Variants in TRIP11 observed in about 807,000 individuals in gnomAD.
TRIP11 encodes the protein thyroid receptor-interacting protein 11.
TRIP11 carries 148 observed loss-of-function variants against 223.1 expected under a neutral mutation model. The ratio of observed to expected loss-of-function variants is 0.66; its 90% CI spans 0.58 to 0.76. The LOEUF (loss-of-function observed/expected upper bound fraction) is 0.76, where lower values mean the gene tolerates loss of function less well. Ranked by LOEUF, TRIP11 falls within the 30% of genes least tolerant of loss-of-function variation. The pLI is 0.00. For missense variants in TRIP11, 2,043 were observed against 2,222.0 expected (o/e 0.92, Z 1.62); for synonymous variants, 762 against 772.6 (o/e 0.99, Z 0.23).
rs1376089269 is a variant in TRIP11, at chr14:91,988,398, T to A, written c.5161-15A>T. ...TCCAAACATTCCTGAGAAAGAAAACTTTATTAAAAAAAAGTATGCAAAAAT... is the reference window on the plus strand; with the variant it reads ...TCCAAACATTCCTGAGAAAGAAAACATTATTAAAAAAAAGTATGCAAAAAT... On this transcript the variant is annotated splice_polypyrimidine_tract_variant and intron_variant, in intron 15 of 20. Transcript: ENST00000267622. 2 of 1,609,428 alleles carry A rather than the reference T, an allele frequency of 1.2e-6. No homozygotes were observed. Among genetic ancestry groups the A allele is most frequent in the African/African-American group, 1.3e-5 (1 of 74,772 alleles).
At chr14:92,025,964 G>T (rs2057180738) in intron 2 of TRIP11, among the ~76,000 whole-genome samples, 1 of 151,488 alleles carries the variant, frequency 6.6e-6, no homozygotes, top group South Asian at 2.1e-4. Context: ...TTAACATTTT[G>T]CTCAGATTGA....
Position 92,004,072 on chromosome 14 carries a change from T to C in TRIP11, c.3904A>G (p.Lys1302Glu), listed in dbSNP as rs1320400377. ...QHSIGQLCNTKDLLLGKLDII... is the reference protein window; with the variant it reads ...QHSIGQLCNTEDLLLGKLDII... ...TCAAGTTTTCCTAAAAGAAGATCCT[T>C]GGTATTGCAAAGCTGCCCAATGCTG... The change falls in exon 11 of 21, where the codon AAG becomes GAG. Residue 1302 changes from lysine (K) to glutamate (E), a missense_variant. Lys to Glu is a moderately conservative substitution (Grantham distance 56, BLOSUM62 1). Coordinates refer to ENST00000267622, the MANE Select transcript of TRIP11 (RefSeq NM_004239.4). 6.2e-6 allele frequency: 10 copies of C among 1,614,206 alleles called. No individual in the cohort carries two copies. The highest frequency in any genetic ancestry group is 7.6e-6 in the Non-Finnish European group (9 of 1,180,038).
At chr14:91,977,232 C>T (rs1373566855) in intron 16 of TRIP11, 1 of 454,880 alleles carries the variant, frequency 2.2e-6, no homozygotes. Flanking sequence ...GTTGTCATCT[C>T]ACTTTCTTGA....
intron 1 of TRIP11, among the ~76,000 whole-genome samples, chr14:92,036,042 G>A (rs1367152454): frequency 6.6e-6 from 1 of 152,188 alleles, no homozygotes. Context: ...AAACACTCTT[G>A]TTTAGAAAAT....
chr14:91,991,694 C>T (rs1242396490), intron 15 of TRIP11, among the ~76,000 whole-genome samples: 1 of 152,064 alleles, frequency 6.6e-6, no homozygotes, highest in Non-Finnish European at 1.5e-5. Context: ...TATATTAATG[C>T]AATGCATACA....
At chr14:91,982,566 G>A (rs1042954453) in intron 16 of TRIP11, among the ~76,000 whole-genome samples, 1 of 152,158 alleles carries the variant, frequency 6.6e-6, no homozygotes, top group Non-Finnish European at 1.5e-5. Flanking sequence ...GTGTCAAGCA[G>A]TAATAAACCT....
chr14:92,017,866 C>A, intron 4 of TRIP11, 116 bp from the exon 5 acceptor site: 2 of 859,218 alleles, frequency 2.3e-6, no homozygotes, highest in South Asian at 1.5e-5. Context: ...TTCACAGATT[C>A]CGACTAAAGA....
chr14:91,992,968 C>A lies in TRIP11; in HGVS notation c.5160+841G>T, dbSNP rs540035905. Among the ~76,000 whole-genome samples the A allele has an allele frequency of 3.8e-5, 5 of 131,972 alleles. No homozygotes were observed. In the East Asian group the frequency reaches 1.1e-3, roughly 30 times the overall value. 86.6% of individuals were successfully genotyped at this position (131,972 alleles called of 152,430 possible). A position where few individuals can be genotyped will look rare whatever the true frequency, so the allele number is the denominator to read the frequency against. ...CAAGTTTCTCCTAAATCTAAAAGCACGTTGTTTTGGTGTCCTATCTCTTCA... is the reference window on the plus strand; with the variant it reads ...CAAGTTTCTCCTAAATCTAAAAGCAAGTTGTTTTGGTGTCCTATCTCTTCA... On this transcript the variant is annotated intron_variant, in intron 15 of 20. Transcript: ENST00000267622.
chr14:92,023,699 T>G lies in TRIP11; in HGVS notation c.312+1611A>C, dbSNP rs193282655. 7.9e-5 allele frequency among the ~76,000 whole-genome samples: 12 copies of G among 152,340 alleles called. No homozygotes were observed. The East Asian group carries it at 2.3e-3, about 29-fold the overall frequency. On this transcript the variant is annotated intron_variant, in intron 3 of 20. Coordinates refer to ENST00000267622, the MANE Select transcript of TRIP11 (RefSeq NM_004239.4). The stretch of plus-strand genomic sequence containing the variant: ...TAAACCCCTGGGTAGGAGGAACTAC[T>G]GTTCTATCATAATGTTTATAACTCA...
intron 4 of TRIP11, among the ~76,000 whole-genome samples, chr14:92,018,739 A>G (rs115150740): frequency 0.028 from 4,226 of 152,088 alleles, 197 homozygotes; most frequent in African/African-American, 0.095. Flanking sequence ...CCGCTGGATC[A>G]CAAGGGCAAG....
intron 3 of TRIP11, among the ~76,000 whole-genome samples, chr14:92,024,940 T>C (rs2057162933): frequency 6.6e-6 from 1 of 152,226 alleles, no homozygotes; most frequent in Non-Finnish European, 1.5e-5. Flanking sequence ...TAAATTATCA[T>C]ATATTTAATA....
intron 3 of TRIP11, among the ~76,000 whole-genome samples, chr14:92,023,818 C>T (rs903920184): frequency 1.3e-5 from 2 of 151,220 alleles, no homozygotes; most frequent in African/African-American, 2.4e-5. Context: ...AGGTTTAAGA[C>T]TTTTAAAGCA....
At position 91,981,010 on chromosome 14, in the gene TRIP11, A is replaced by ATTTT. The variant is rs1444189118; in HGVS notation, c.5261-4822_5261-4821insAAAA. Among the ~76,000 whole-genome samples the ATTTT allele has an allele frequency of 2.3e-3, 126 of 55,802 alleles. 2 individuals are homozygous for ATTTT. The highest frequency in any genetic ancestry group is 4.7e-3 in the African/African-American group (70 of 14,754). 36.6% of individuals were successfully genotyped at this position (55,802 alleles called of 152,430 possible). On this transcript the variant is annotated intron_variant, in intron 16 of 20. Transcript: ENST00000267622. ...GTATATTATATATATATATATATAT[A>ATTTT]TATTTTTTTTTTTTTTTTTTTTTTT...
chr14:91,994,649 A>G (rs1341068045), intron 14 of TRIP11, among the ~76,000 whole-genome samples: 3 of 152,232 alleles, frequency 2.0e-5, no homozygotes, highest in Non-Finnish European at 4.4e-5. Flanking sequence ...TTACTTCCTC[A>G]TTCTCATATC....
intron 13 of TRIP11, among the ~76,000 whole-genome samples, chr14:91,997,656 A>C (rs2056767997): frequency 6.6e-6 from 1 of 152,004 alleles, no homozygotes; most frequent in Non-Finnish European, 1.5e-5. Flanking sequence ...TGAAAAGAAA[A>C]AGCAGAAGAA....
intron 4 of TRIP11, among the ~76,000 whole-genome samples, chr14:92,019,527 A>G (rs926156738): frequency 6.6e-6 from 1 of 152,234 alleles, no homozygotes; most frequent in African/African-American, 2.4e-5. Context: ...AAAGAAGGAG[A>G]TAATTTTAAG....
At position 92,018,775 on chromosome 14, in the gene TRIP11, G is replaced by A. The variant is rs1373307669; in HGVS notation, c.589-1025C>T. 2.0e-5 allele frequency among the ~76,000 whole-genome samples: 3 copies of A among 151,816 alleles called. No individual in the cohort carries two copies. The East Asian group carries it at 5.8e-4, about 29-fold the overall frequency. On this transcript the variant is annotated intron_variant, in intron 4 of 20. Coordinates refer to ENST00000267622, the MANE Select transcript of TRIP11 (RefSeq NM_004239.4). Reference sequence around the variant, plus strand: ...AGATCAAGACCATCCTGGCCAACAGGTGAAACCCCGTCACTATTAAAAATA... The same window carrying A: ...AGATCAAGACCATCCTGGCCAACAGATGAAACCCCGTCACTATTAAAAATA...
intron 4 of TRIP11, among the ~76,000 whole-genome samples, chr14:92,019,774 C>T (rs956361674): frequency 3.3e-5 from 5 of 152,100 alleles, no homozygotes; most frequent in African/African-American, 9.7e-5. Context: ...CAACATGATG[C>T]CACAAGTGGA....
rs74071678 is a variant in TRIP11, at chr14:91,974,933, C to T, written c.5458-190G>A. 0.037 allele frequency among the ~76,000 whole-genome samples: 5,662 copies of T among 152,200 alleles called. 302 individuals carry two copies. Among genetic ancestry groups the T allele is most frequent in the African/African-American group, 0.12 (4,980 of 41,494 alleles). On this transcript the variant is annotated intron_variant, in intron 18 of 20. Transcript: ENST00000267622. ...CCCAAGCACCATCTCAAATGAAAGT[C>T]TGGGGATATTTCAACATTTCAGCAT...
Sources: allele counts gnomAD v4.1 joint callset (sites outside exome capture counted in the v4.1 genomes callset), GRCh38; gene constraint gnomAD v4.1.1; transcripts MANE v1.5; gene names NCBI Gene and HGNC (gene_info 2026-07-23, HGNC 2026-07-21).